RPH3A: variants seen among roughly 807,000 people sequenced by gnomAD.
RPH3A encodes rabphilin-3A.
RPH3A carries 48 observed loss-of-function variants against 102.2 expected under a neutral mutation model. The ratio of observed to expected loss-of-function variants is 0.47; its 90% CI spans 0.37 to 0.60. The LOEUF (loss-of-function observed/expected upper bound fraction) is 0.60, where lower values mean the gene tolerates loss of function less well. RPH3A is among the 20% of genes least tolerant of loss of function. The probability of loss-of-function intolerance (pLI) is 0.00; values close to 1 mark genes in which losing one functional copy is unlikely to be tolerated. For synonymous variants in RPH3A, 310 were observed against 324.3 expected (o/e 0.96, Z 0.47); for missense variants, 781 against 910.1 (o/e 0.86, Z 1.83).
intron 1 of RPH3A, among the ~76,000 whole-genome samples, chr12:112,770,707 A>G (rs969001941): frequency 6.6e-6 from 1 of 152,144 alleles, no homozygotes; most frequent in Admixed American, 6.5e-5. Flanking sequence ...TTACCCTGCT[A>G]TAACTGGGGT....
chr12:112,777,544 A>G (rs896389767), intron 1 of RPH3A, among the ~76,000 whole-genome samples: 1 of 152,196 alleles, frequency 6.6e-6, no homozygotes, highest in Non-Finnish European at 1.5e-5. Context: ...GCTTTTTGCC[A>G]TCAAAACTGT....
chr12:112,755,892 T>C (rs555270050), intron 1 of RPH3A, among the ~76,000 whole-genome samples: 3 of 152,310 alleles, frequency 2.0e-5, no homozygotes, highest in African/African-American at 7.2e-5. Context: ...TTATGCCTTG[T>C]TATTTGCTAA....
chr12:112,670,675 G>A (rs2040121665), intron 1 of RPH3A, among the ~76,000 whole-genome samples: 1 of 152,142 alleles, frequency 6.6e-6, no homozygotes, highest in African/African-American at 2.4e-5. Context: ...GTCAGCTGGG[G>A]GCTAGGTGAT....
At chr12:112,847,952 T>C (rs2042258476) in intron 5 of RPH3A, 110 bp downstream of exon 5, 3 of 1,281,812 alleles carry the variant, frequency 2.3e-6, no homozygotes, top group African/African-American at 3.0e-5. Flanking sequence ...CCTCTGGGCT[T>C]TGCCATTTGT....
intron 1 of RPH3A, among the ~76,000 whole-genome samples, chr12:112,575,506 G>A (rs1250227448): frequency 6.6e-6 from 1 of 152,074 alleles, no homozygotes; most frequent in African/African-American, 2.4e-5. Context: ...ACTTGGGGGC[G>A]GGGAGACCCG....
At chr12:112,790,349 C>T (rs1431034229), upstream of RPH3A, among the ~76,000 whole-genome samples, 5 of 152,128 alleles carry the variant, frequency 3.3e-5, no homozygotes, top group African/African-American at 4.8e-5. Context: ...TGAGCCACCG[C>T]GCCTGGCAGA....
intron 1 of RPH3A, among the ~76,000 whole-genome samples, chr12:112,652,754 C>T (rs1258709205): frequency 6.6e-6 from 1 of 152,214 alleles, no homozygotes; most frequent in Non-Finnish European, 1.5e-5. Flanking sequence ...ATGTTTCAGG[C>T]ACAGTTTAGG....
At chr12:112,787,694 T>C (rs2041060975), upstream of RPH3A, among the ~76,000 whole-genome samples, 1 of 152,230 alleles carries the variant, frequency 6.6e-6, no homozygotes, top group Admixed American at 6.5e-5. Flanking sequence ...TCAGGCTAGT[T>C]GCTTTAGGAG....
chr12:112,866,012 G>A (rs1310256371), intron 6 of RPH3A, among the ~76,000 whole-genome samples: 1 of 152,142 alleles, frequency 6.6e-6, no homozygotes, highest in Non-Finnish European at 1.5e-5. Context: ...GTTCTCAAAG[G>A]CGAGTAATCC....
intron 1 of RPH3A, among the ~76,000 whole-genome samples, chr12:112,618,917 C>G (rs1338807952): frequency 1.3e-5 from 2 of 152,154 alleles, no homozygotes; most frequent in Non-Finnish European, 2.9e-5. Context: ...TTAGATTTGC[C>G]TATTCTGGAC....
intron 1 of RPH3A, among the ~76,000 whole-genome samples, chr12:112,730,580 G>A (rs1237473508): frequency 8.5e-5 from 13 of 152,122 alleles, no homozygotes; most frequent in Admixed American, 4.6e-4. Flanking sequence ...ATCTCTCTCC[G>A]CCCAATCCTG....
chr12:112,706,187 G>A lies in RPH3A; in HGVS notation c.-139-85956G>A, dbSNP rs188906863. Among the ~76,000 whole-genome samples the A allele has an allele frequency of 2.5e-3, 384 of 152,258 alleles. 2 individuals are homozygous for A. Among genetic ancestry groups the A allele is most frequent in the South Asian group, 6.7e-3 (32 of 4,812 alleles). On this transcript the variant is annotated intron_variant, in intron 1 of 21. Coordinates refer to the RPH3A transcript ENST00000543106. Reference sequence around the variant, plus strand: ...ATGTGCCGACAGCATGCAACTAATTGTAAAGAACTTTATCTTGATTGTCAC... The same window carrying A: ...ATGTGCCGACAGCATGCAACTAATTATAAAGAACTTTATCTTGATTGTCAC...
At chr12:112,824,112 G>A (rs1285037383) in intron 2 of RPH3A, among the ~76,000 whole-genome samples, 1 of 152,174 alleles carries the variant, frequency 6.6e-6, no homozygotes, top group Non-Finnish European at 1.5e-5. Flanking sequence ...GAACCTGCTA[G>A]GGAATGAGGG....
intron 1 of RPH3A, among the ~76,000 whole-genome samples, chr12:112,673,992 C>T (rs145920900): frequency 4.1e-4 from 63 of 152,338 alleles, no homozygotes; most frequent in African/African-American, 1.4e-3. Context: ...CTCCTGGTTT[C>T]AAGCGATCCT....
intron 1 of RPH3A, among the ~76,000 whole-genome samples, chr12:112,733,062 TG>T (rs749168184): frequency 6.6e-6 from 1 of 152,290 alleles, no homozygotes; most frequent in Middle Eastern, 3.4e-3. Flanking sequence ...TGCTAGGCTC[TG>T]GGTCACCTCC....
intron 2 of RPH3A, among the ~76,000 whole-genome samples, chr12:112,816,311 A>C (rs1425405564): frequency 6.6e-6 from 1 of 152,162 alleles, no homozygotes. Flanking sequence ...TTGCATGTGA[A>C]ACATTTGGTG....
intron 1 of RPH3A, among the ~76,000 whole-genome samples, chr12:112,784,941 G>A (rs1042582767): frequency 5.3e-5 from 8 of 152,244 alleles, no homozygotes; most frequent in Admixed American, 5.2e-4. Context: ...ATACAGCTGT[G>A]GCTGGGTGTG....
intron 1 of RPH3A, among the ~76,000 whole-genome samples, chr12:112,674,291 T>G (rs2040156660): frequency 6.6e-6 from 1 of 152,094 alleles, no homozygotes; most frequent in Non-Finnish European, 1.5e-5. Flanking sequence ...ATATAGCAAC[T>G]GAGAAAATGA....
intron 19 of RPH3A, chr12:112,891,307 G>C: frequency 3.0e-6 from 1 of 331,566 alleles, no homozygotes; most frequent in Non-Finnish European, 5.6e-6. Flanking sequence ...GTACTCCCAG[G>C]AGTTGGCCGC....
Sources: allele counts gnomAD v4.1 joint callset (sites outside exome capture counted in the v4.1 genomes callset), GRCh38; gene constraint gnomAD v4.1.1; transcripts MANE v1.5; gene names NCBI Gene and HGNC (gene_info 2026-07-23, HGNC 2026-07-21).